Variants in ADGRG1 observed in about 807,000 individuals in gnomAD.
ADGRG1 encodes the protein 7-transmembrane protein with no EGF-like N-terminal domains-1.
ADGRG1 carries 53 observed loss-of-function variants against 73.5 expected under a neutral mutation model. The observed-to-expected ratio is 0.72, with a 90% CI of 0.58 to 0.91. The LOEUF (loss-of-function observed/expected upper bound fraction) is 0.91, where lower values mean the gene tolerates loss of function less well. Ranked by LOEUF, ADGRG1 falls within the 40% of genes least tolerant of loss-of-function variation. ADGRG1 has a pLI of 0.00. For missense variants in ADGRG1, 795 were observed against 871.8 expected (o/e 0.91, Z 1.11); for synonymous variants, 394 against 374.4 (o/e 1.05, Z -0.60).
intron 10 of ADGRG1, 48 bp downstream of exon 10, chr16:57,657,539 A>G (rs763680656): frequency 7.4e-7 from 1 of 1,358,850 alleles, no homozygotes; most frequent in Non-Finnish European, 1.1e-6. Context: ...TCCATTGCAC[A>G]CACCTCCACC....
chr16:57,656,171 A>G, intron 7 of ADGRG1, 55 bp from the exon 8 acceptor site: 1 of 1,612,308 alleles, frequency 6.2e-7, no homozygotes, highest in Non-Finnish European at 8.5e-7. Flanking sequence ...TGGCCTGTAA[A>G]GTTGGAGGGG....
At position 57,653,989 on chromosome 16, in the gene ADGRG1, G is replaced by A. The variant is rs752162120; in HGVS notation, c.624G>A (p.Gln208=). The part of the protein sequence containing the change: ...RRPSAAPASQ[Q]LQSLESKLTS... ...ACCGCTTTCTCCTCCCTGCCAGGCA[G>A]TTGCAGAGCCTGGAGTCGAAACTGA... The change falls in exon 5 of 14, where the codon CAG becomes CAA. Residue 208 remains glutamine (Q), a synonymous_variant. Coordinates refer to ENST00000562631, the MANE Select transcript of ADGRG1 (RefSeq NM_201525.4). The A allele has an allele frequency of 6.2e-7, 1 of 1,613,974 alleles. No homozygotes were observed. Among genetic ancestry groups the A allele is most frequent in the Non-Finnish European group, 8.5e-7 (1 of 1,180,026 alleles).
At chr16:57,632,767 C>A in intron 1 of ADGRG1, 2 of 984,848 alleles carry the variant, frequency 2.0e-6, no homozygotes, top group Non-Finnish European at 2.4e-6. Context: ...AGCTCAGCCC[C>A]GGAGGAGCTG....
chr16:57,632,798 G>A lies in ADGRG1; in HGVS notation c.-36+3996G>A, dbSNP rs985130986. On this transcript the variant is annotated intron_variant, in intron 1 of 13. Coordinates refer to ENST00000562631, the MANE Select transcript of ADGRG1 (RefSeq NM_201525.4). ...AGCTGGCATGCTTCCGGGCACCGGT[G>A]GACAGGCCTCTCTGCATTAGTGGGA... is the stretch of plus-strand genomic sequence containing the variant. 112 of 985,386 alleles carry A rather than the reference G, an allele frequency of 1.1e-4. 1 individual carries two copies. In the African/African-American group the frequency reaches 1.9e-3, roughly 17 times the overall value. The allele number at this position is 985,386 out of a possible 1,614,324, so 61.0% of individuals were successfully genotyped here.
Position 57,644,319 on chromosome 16 carries a change from GGACA to G in ADGRG1, c.-35-5933_-35-5930del, listed in dbSNP as rs2041680542. Reference sequence around the variant, plus strand: ...CTCAGGCACACACTCATGCACACAAGGACATTCATGCATGGGCACACACACTGAT... The same window carrying G: ...CTCAGGCACACACTCATGCACACAAGTTCATGCATGGGCACACACACTGAT... On this transcript the variant is annotated intron_variant, in intron 1 of 13. Transcript: ENST00000562631. 5 of 432,564 alleles carry G rather than the reference GGACA, an allele frequency of 1.2e-5. No homozygotes were observed. In the South Asian group the frequency reaches 4.9e-4, roughly 42 times the overall value. The allele number at this position is 432,564 out of a possible 1,614,324, so 26.8% of individuals were successfully genotyped here.
rs796779453 is a variant in ADGRG1 at position 57,628,945 on chromosome 16, A to T, written c.-36+143A>T. On this transcript the variant is annotated intron_variant, in intron 1 of 13. Transcript: ENST00000562631. ...GAGTGTGAGTGTGAGTGTGAGCGTG[A>T]GAGTGTGAGAGTGTGTGAGTGTGAG... 6.5e-4 allele frequency: 390 copies of T among 597,566 alleles called. 1 individual carries two copies. The highest frequency in any genetic ancestry group is 1.4e-3 in the South Asian group (19 of 13,558). The allele number at this position is 597,566 out of a possible 1,614,324, so 37.0% of individuals were successfully genotyped here.
chr16:57,636,408 G>A (rs1389086646), intron 1 of ADGRG1: 1 of 985,134 alleles, frequency 1.0e-6, no homozygotes, highest in African/African-American at 1.7e-5. Flanking sequence ...GAAAACAAAG[G>A]GGAGTTTGCC....
intron 1 of ADGRG1, chr16:57,640,415 T>G (rs1256879541): frequency 2.0e-5 from 3 of 152,260 alleles, no homozygotes; most frequent in African/African-American, 7.2e-5. Flanking sequence ...CCTTATTTGT[T>G]GAGTGGGTGT....
chr16:57,650,467 G>A, intron 2 of ADGRG1, 116 bp downstream of exon 2: 1 of 1,582,398 alleles, frequency 6.3e-7, no homozygotes, highest in African/African-American at 1.3e-5. Flanking sequence ...CTCGGCTAGT[G>A]GAGGGTACCT....
chr16:57,645,002 ACT>A lies in ADGRG1; in HGVS notation c.-35-5249_-35-5248del, dbSNP rs553322476. ...CACCCCCATGCACACACACATGCAC[ACT>A]CATGCATGGGCGCACACACTCATCA... On this transcript the variant is annotated intron_variant, in intron 1 of 13. Coordinates refer to ENST00000562631, the MANE Select transcript of ADGRG1 (RefSeq NM_201525.4). 128 of 865,806 alleles carry A rather than the reference ACT, an allele frequency of 1.5e-4. 1 individual carries two copies. In the African/African-American group the frequency reaches 2.1e-3, roughly 14 times the overall value. The allele number at this position is 865,806 out of a possible 1,614,324, so 53.6% of individuals were successfully genotyped here. A position where few individuals can be genotyped will look rare whatever the true frequency, so the allele number is the denominator to read the frequency against.
chr16:57,660,607 A>T (rs1257811376), intron 11 of ADGRG1, 161 bp from the exon 12 acceptor site: 1 of 929,094 alleles, frequency 1.1e-6, no homozygotes, highest in African/African-American at 1.8e-5. Flanking sequence ...GGGGAGGGGG[A>T]GGGTCCAAAC....
upstream of ADGRG1, chr16:57,627,794 G>A (rs370502988): frequency 7.2e-5 from 71 of 985,346 alleles, no homozygotes; most frequent in South Asian, 9.4e-5. Flanking sequence ...CTCCTGACTC[G>A]AGAAGGGCAC....
At chr16:57,633,208 G>A (rs16958462) in intron 1 of ADGRG1, 17,741 of 609,480 alleles carry the variant, frequency 0.029, 749 homozygotes, top group East Asian at 0.2. Context: ...TGGGGCAAAA[G>A]TGGCTGCAAA....
Position 57,663,587 on chromosome 16 carries a change from C to T in ADGRG1, c.*5C>T. 6.2e-7 allele frequency: 1 copy of T among 1,612,614 alleles called. No individual in the cohort carries two copies. The highest frequency in any genetic ancestry group is 1.1e-5 in the South Asian group (1 of 91,076). On this transcript the variant is annotated 3_prime_UTR_variant, in exon 14 of 14. Coordinates refer to ENST00000562631, the MANE Select transcript of ADGRG1 (RefSeq NM_201525.4). ...ACCTCGTCCAGCCGCATCTAGGCCT[C>T]CAGCCCACCTGCCCATGTGATGAAG...
At chr16:57,656,493 C>A (rs779717247) in intron 8 of ADGRG1, 21 bp from the exon 9 acceptor site, 1 of 1,596,016 alleles carries the variant, frequency 6.3e-7, no homozygotes, top group Admixed American at 1.7e-5. Flanking sequence ...TGATTGGAGC[C>A]CCGTGCTGTC....
chr16:57,663,748 T>G lies in ADGRG1; in HGVS notation c.*166T>G. On this transcript the variant is annotated 3_prime_UTR_variant, in exon 14 of 14. Transcript: ENST00000562631. The stretch of plus-strand genomic sequence containing the variant: ...TGCCATGGTGGACGGACTCCCGGGC[T>G]GGGCTTTTGAATTGGCCTTGGGGAC... The G allele has an allele frequency of 5.2e-6, 4 of 763,320 alleles. No homozygotes were observed. Among genetic ancestry groups the G allele is most frequent in the East Asian group, 5.4e-5 (2 of 37,226 alleles). 47.3% of individuals were successfully genotyped at this position (763,320 alleles called of 1,614,324 possible).
chr16:57,636,805 A>G (rs956656265), intron 1 of ADGRG1: 1 of 596,224 alleles, frequency 1.7e-6, no homozygotes, highest in African/African-American at 2.0e-5. Flanking sequence ...TGAGCAAGAC[A>G]GGTGAGACAG....
chr16:57,650,128 C>T, intron 1 of ADGRG1, 125 bp from the exon 2 acceptor site: 1 of 1,520,552 alleles, frequency 6.6e-7, no homozygotes, highest in Admixed American at 2.0e-5. Flanking sequence ...GGTCCATGGG[C>T]TTTTTCCACA....
chr16:57,653,124 G>A (rs1466928654), intron 3 of ADGRG1, 79 bp from the exon 4 acceptor site: 19 of 1,597,010 alleles, frequency 1.2e-5, no homozygotes, highest in Middle Eastern at 4.1e-4. Context: ...AGTCATGTCA[G>A]GGTGGTAGGG....
Sources: gnomAD v4.1 joint callset for allele counts on GRCh38, gnomAD v4.1.1 for gene constraint, MANE v1.5 for transcripts, NCBI Gene and HGNC (gene_info 2026-07-23, HGNC 2026-07-21) for gene names.